The following SPEF2 variants were observed in gnomAD, a reference collection of about 807,000 sequenced individuals.
SPEF2 encodes sperm flagella and cilia-associated protein 2.
Under a neutral mutation model 224.6 loss-of-function variants are expected in SPEF2, and 187 were observed. The ratio of observed to expected loss-of-function variants is 0.83; its 90% CI spans 0.74 to 0.94. The LOEUF (loss-of-function observed/expected upper bound fraction) is 0.94, where lower values mean the gene tolerates loss of function less well. Ranked by LOEUF, SPEF2 falls within the 40% of genes least tolerant of loss-of-function variation. The pLI is 0.00. For missense variants in SPEF2, 2,170 were observed against 2,135.6 expected, an observed-to-expected ratio of 1.02 and a Z score of -0.32; for synonymous variants, 715 against 707.3, an observed-to-expected ratio of 1.01 and a Z score of -0.17.
intron 9 of SPEF2, among the ~76,000 whole-genome samples, chr5:35,669,093 A>G (rs887149948): frequency 1.3e-5 from 2 of 151,940 alleles, no homozygotes; most frequent in Non-Finnish European, 2.9e-5. Flanking sequence ...ATCCCCAGCC[A>G]CTGATAATCT....
rs370918883 is a variant in SPEF2 at position 35,692,753 on chromosome 5, C to T, written c.1899+29C>T. ...AGTGTGATTCTAGTTTTCTCTTCTG[C>T]GCCTAGTACATTAGAGATTTGGAGC... On this transcript the variant is annotated intron_variant, in intron 12 of 36. Coordinates refer to ENST00000356031, the MANE Select transcript of SPEF2 (RefSeq NM_024867.4). The T allele has an allele frequency of 1.4e-4, 220 of 1,596,872 alleles. 1 individual carries two copies. Among genetic ancestry groups the T allele is most frequent in the Admixed American group, 8.2e-4 (46 of 56,432 alleles).
chr5:35,766,302 C>T (rs1366297066), intron 26 of SPEF2, among the ~76,000 whole-genome samples: 1 of 152,028 alleles, frequency 6.6e-6, no homozygotes, highest in East Asian at 1.9e-4. Context: ...TGTTGCCCTC[C>T]TCCCACCCAA....
At chr5:35,699,193 A>G (rs1296213660) in intron 15 of SPEF2, 2 of 152,170 alleles carry the variant, frequency 1.3e-5, no homozygotes, top group Non-Finnish European at 2.9e-5. Context: ...GAAGGATCAC[A>G]TGCAGGCCCC....
At chr5:35,791,142 G>A (rs988567745) in intron 30 of SPEF2, 44 of 152,120 alleles carry the variant, frequency 2.9e-4, no homozygotes, top group African/African-American at 9.7e-4. Flanking sequence ...ACCCACATAG[G>A]ATCTTATAAA....
At chr5:35,666,404 A>G (rs1049102460) in intron 8 of SPEF2, among the ~76,000 whole-genome samples, 2 of 152,168 alleles carry the variant, frequency 1.3e-5, no homozygotes, top group African/African-American at 4.8e-5. Flanking sequence ...CAAAATAATA[A>G]TGCACTAAGG....
intron 20 of SPEF2, among the ~76,000 whole-genome samples, chr5:35,715,916 G>A (rs183184962): frequency 3.3e-4 from 48 of 144,790 alleles, no homozygotes; most frequent in Admixed American, 2.5e-3. Flanking sequence ...TCTAAAAAGC[G>A]TATCAGTTAG....
chr5:35,811,450 G>T (rs1758525024), intron 36 of SPEF2, among the ~76,000 whole-genome samples: 1 of 152,182 alleles, frequency 6.6e-6, no homozygotes. Context: ...ATGCATAATT[G>T]TAATAATGCA....
At chr5:35,800,725 A>T (rs1024357616) in intron 34 of SPEF2, among the ~76,000 whole-genome samples, 1 of 152,072 alleles carries the variant, frequency 6.6e-6, no homozygotes, top group Non-Finnish European at 1.5e-5. Context: ...GTGCTAGGTA[A>T]TGTGCTTCCT....
intron 24 of SPEF2, among the ~76,000 whole-genome samples, chr5:35,754,017 T>C (rs1435577104): frequency 6.6e-6 from 1 of 152,124 alleles, no homozygotes; most frequent in African/African-American, 2.4e-5. Context: ...GGCCTAGATA[T>C]GTAGAAAGCC....
At chr5:35,674,208 C>T (rs915054968) in intron 10 of SPEF2, among the ~76,000 whole-genome samples, 2 of 152,044 alleles carry the variant, frequency 1.3e-5, no homozygotes, top group African/African-American at 4.8e-5. Context: ...GACTGAGAAG[C>T]CCAAGGTTAA....
At chr5:35,788,133 A>C (rs767381095) in intron 30 of SPEF2, 7 of 702,876 alleles carry the variant, frequency 1.0e-5, no homozygotes, top group African/African-American at 1.7e-5. Flanking sequence ...CATCTCAGCG[A>C]GGCTCATGCC....
intron 10 of SPEF2, among the ~76,000 whole-genome samples, chr5:35,685,426 G>A (rs1006902904): frequency 1.1e-4 from 16 of 152,088 alleles, no homozygotes; most frequent in Non-Finnish European, 1.8e-4. Context: ...TAATGGGTAT[G>A]AAAAGAATAC....
At chr5:35,627,273 T>C (rs1306010192) in intron 1 of SPEF2, among the ~76,000 whole-genome samples, 1 of 152,034 alleles carries the variant, frequency 6.6e-6, no homozygotes, top group Non-Finnish European at 1.5e-5. Flanking sequence ...CTAAGAACAT[T>C]TTTTAAAAAA....
At chr5:35,705,219 C>G (rs1739510825) in intron 17 of SPEF2, among the ~76,000 whole-genome samples, 1 of 151,986 alleles carries the variant, frequency 6.6e-6, no homozygotes, top group African/African-American at 2.4e-5. Context: ...TCCAATAACA[C>G]TTCTGAGTAA....
In SPEF2 at chr5:35,796,066, G is replaced by A. The variant is rs138169459; in HGVS notation, c.4830+271G>A. ...TGGCCTCTCAGAATTCATCTTCTTC[G>A]TCTGTCAAATAAGCTAAGTTTTAAC... On this transcript the variant is annotated intron_variant, in intron 33 of 36. Transcript: ENST00000356031. Among the ~76,000 whole-genome samples the A allele has an allele frequency of 1.4e-3, 213 of 152,238 alleles. 2 individuals are homozygous for A. In the East Asian group the frequency reaches 0.018, roughly 13 times the overall value.
intron 14 of SPEF2, 103 bp from the exon 15 acceptor site, chr5:35,697,587 T>C: frequency 5.9e-6 from 5 of 847,216 alleles, no homozygotes; most frequent in Non-Finnish European, 9.3e-6. Context: ...ATGATCAGTG[T>C]CATCATCAGA....
At chr5:35,747,831 T>C (rs1748791815) in intron 23 of SPEF2, among the ~76,000 whole-genome samples, 1 of 152,058 alleles carries the variant, frequency 6.6e-6, no homozygotes, top group Non-Finnish European at 1.5e-5. Context: ...TTGGAACAAA[T>C]GGACTTAACA....
intron 10 of SPEF2, among the ~76,000 whole-genome samples, chr5:35,681,418 G>C (rs954690646): frequency 6.6e-6 from 1 of 152,060 alleles, no homozygotes; most frequent in Non-Finnish European, 1.5e-5. Flanking sequence ...GTGACTGTTA[G>C]TATAAAATTA....
chr5:35,711,629 C>T (rs1192253181), intron 19 of SPEF2, among the ~76,000 whole-genome samples: 2 of 148,840 alleles, frequency 1.3e-5, no homozygotes, highest in African/African-American at 5.0e-5. Flanking sequence ...TCCCTCCCTC[C>T]CTCGCTATCA....
Sources: gnomAD v4.1 joint callset for allele counts (sites outside exome capture counted in the v4.1 genomes callset) on GRCh38, gnomAD v4.1.1 for gene constraint, MANE v1.5 for transcripts, NCBI Gene and HGNC (gene_info 2026-07-23, HGNC 2026-07-21) for gene names.